SLC8A1: variants seen among roughly 807,000 people sequenced by gnomAD.
SLC8A1 encodes solute carrier family 8 member A1, also known as sodium/calcium exchanger 1.
In SLC8A1, 18 loss-of-function variants were observed where a neutral mutation model predicts 68.3. That is an observed-to-expected ratio of 0.26 (90% CI 0.18 to 0.39). The LOEUF (loss-of-function observed/expected upper bound fraction) is 0.39, where lower values mean the gene tolerates loss of function less well. Ranked by LOEUF, SLC8A1 falls within the 10% of genes least tolerant of loss-of-function variation. The pLI, the probability that SLC8A1 is intolerant of heterozygous loss-of-function variation, is 1.00. For missense variants in SLC8A1, 985 were observed against 1,156.7 expected, an observed-to-expected ratio of 0.85 and a Z score of 2.15; for synonymous variants, 475 against 415.5, an observed-to-expected ratio of 1.14 and a Z score of -1.74.
chr2:40,433,907 T>C (rs1698889412), intron 1 of SLC8A1, among the ~76,000 whole-genome samples: 1 of 152,202 alleles, frequency 6.6e-6, no homozygotes, highest in Non-Finnish European at 1.5e-5. Flanking sequence ...TCCAATAGCC[T>C]GGCTTTTATC....
At chr2:40,116,029 G>C (rs948242503) in intron 7 of SLC8A1, among the ~76,000 whole-genome samples, 4 of 152,120 alleles carry the variant, frequency 2.6e-5, no homozygotes, top group Non-Finnish European at 5.9e-5. Context: ...TAATGACAGC[G>C]GCCCAGGAAT....
At chr2:40,358,094 T>C (rs1673327046) in intron 2 of SLC8A1, among the ~76,000 whole-genome samples, 1 of 145,978 alleles carries the variant, frequency 6.9e-6, no homozygotes, top group African/African-American at 2.5e-5. Flanking sequence ...GGTGGTGACC[T>C]AGCCCTCATT....
At chr2:40,452,052 T>C (rs540534549) in exon 1 of SLC8A1, 1 of 150,954 alleles carries the variant, frequency 6.6e-6, no homozygotes, top group African/African-American at 2.4e-5. Context: ...GGCGGCGGGC[T>C]GACTACCGTG....
chr2:40,247,896 G>A (rs916615385), intron 2 of SLC8A1, among the ~76,000 whole-genome samples: 11 of 152,148 alleles, frequency 7.2e-5, no homozygotes, highest in African/African-American at 2.7e-4. Flanking sequence ...ACTATTACCT[G>A]AAATAGACTT....
At chr2:40,368,948 TACTC>T (rs10552875) in intron 2 of SLC8A1, among the ~76,000 whole-genome samples, 102,235 of 151,386 alleles carry the variant, frequency 0.68, 35,481 homozygotes, top group African/African-American at 0.84. Context: ...AATAATTCCT[TACTC>T]AATCAATTGT....
chr2:40,452,776 C>A (rs373532909), upstream of SLC8A1, among the ~76,000 whole-genome samples: 1 of 150,314 alleles, frequency 6.7e-6, no homozygotes, highest in East Asian at 2.0e-4. Context: ...GGGAGGGTGT[C>A]CCCCGGCCAA....
chr2:40,382,474 TA>T (rs1237636176), intron 2 of SLC8A1, among the ~76,000 whole-genome samples: 1 of 152,120 alleles, frequency 6.6e-6, no homozygotes, highest in African/African-American at 2.4e-5. Context: ...TTCAAATCAA[TA>T]AAATATGAGT....
At chr2:40,255,380 C>T (rs1403970623) in intron 2 of SLC8A1, among the ~76,000 whole-genome samples, 1 of 152,102 alleles carries the variant, frequency 6.6e-6, no homozygotes, top group African/African-American at 2.4e-5. Flanking sequence ...ACAATGCCAC[C>T]CAGCTATTGG....
intron 2 of SLC8A1, among the ~76,000 whole-genome samples, chr2:40,209,746 T>C (rs1278167383): frequency 6.6e-6 from 1 of 151,494 alleles, no homozygotes; most frequent in Admixed American, 6.6e-5. Flanking sequence ...CTGCGGAGAG[T>C]CTCTTCTGAT....
chr2:40,338,760 T>TAAAAGA (rs1666798410), intron 2 of SLC8A1, among the ~76,000 whole-genome samples: 8 of 152,224 alleles, frequency 5.3e-5, no homozygotes, highest in African/African-American at 1.9e-4. Flanking sequence ...TTTCTTCTTT[T>TAAAAGA]AGAAATTTCC....
At chr2:40,330,051 C>A (rs997911031) in intron 2 of SLC8A1, among the ~76,000 whole-genome samples, 13 of 152,106 alleles carry the variant, frequency 8.5e-5, no homozygotes, top group African/African-American at 3.1e-4. Flanking sequence ...GGGTGTGGAG[C>A]TTAAAACTTT....
Position 40,399,624 on chromosome 2 carries a change from T to C in SLC8A1, c.1808+28849A>G, listed in dbSNP as rs1225671378. On this transcript the variant is annotated intron_variant, in intron 2 of 7. Coordinates refer to ENST00000406785, the Ensembl canonical transcript of SLC8A1. ...AATGCTCCCTAGGGGCCTTAAATTG[T>C]TATGTTACCAAAAATGCTATGCTGT... Among the ~76,000 whole-genome samples, 5 of 152,204 alleles carry C rather than the reference T, an allele frequency of 3.3e-5. 1 individual carries two copies. The highest frequency in any genetic ancestry group is 2.0e-4 in the Admixed American group (3 of 15,288).
chr2:40,429,542 C>G, exon 2 of SLC8A1: 1 of 1,613,782 alleles, frequency 6.2e-7, no homozygotes, highest in Non-Finnish European at 8.5e-7. Flanking sequence ...CAAGCGAACA[C>G]AACACAGATG....
intron 2 of SLC8A1, among the ~76,000 whole-genome samples, chr2:40,421,800 G>C (rs1695575389): frequency 6.6e-6 from 1 of 152,182 alleles, no homozygotes; most frequent in Admixed American, 6.5e-5. Flanking sequence ...ATTTAGCCTG[G>C]CTCTATAGTG....
At position 40,229,313 on chromosome 2, in the gene SLC8A1, T is replaced by A. The variant is rs530478673; in HGVS notation, c.1809-51458A>T. 5.4e-4 allele frequency among the ~76,000 whole-genome samples: 82 copies of A among 152,240 alleles called. 1 individual carries two copies. Among genetic ancestry groups the A allele is most frequent in the African/African-American group, 1.8e-3 (76 of 41,550 alleles). On this transcript the variant is annotated intron_variant, in intron 2 of 7. Transcript: ENST00000406785. The stretch of plus-strand genomic sequence containing the variant: ...ATGATAAAAAATAAAAAAATGAAAA[T>A]GCCACTGTTCAACAGAAATATATTT...
At chr2:40,502,285 A>G (rs1706103145) in intron 1 of SLC8A1, among the ~76,000 whole-genome samples, 1 of 152,038 alleles carries the variant, frequency 6.6e-6, no homozygotes, top group South Asian at 2.1e-4. Flanking sequence ...AGAAGGCACA[A>G]TCATTTAGCC....
intron 2 of SLC8A1, among the ~76,000 whole-genome samples, chr2:40,425,024 A>G (rs1696487625): frequency 6.6e-6 from 1 of 151,866 alleles, no homozygotes. Flanking sequence ...TCAAATTAGC[A>G]TATTCTTAAT....
At chr2:40,319,990 C>T (rs1358159412) in intron 2 of SLC8A1, among the ~76,000 whole-genome samples, 2 of 152,064 alleles carry the variant, frequency 1.3e-5, no homozygotes, top group Non-Finnish European at 2.9e-5. Context: ...ATGGCACCTC[C>T]CTTTTAAAGC....
At chr2:40,295,986 C>G (rs2070302924) in intron 2 of SLC8A1, among the ~76,000 whole-genome samples, 1 of 152,136 alleles carries the variant, frequency 6.6e-6, no homozygotes, top group Admixed American at 6.6e-5. Flanking sequence ...AAAGGCATTT[C>G]TAGCGCCCAG....
Sources: gnomAD v4.1 joint callset for allele counts (sites outside exome capture counted in the v4.1 genomes callset) on GRCh38, gnomAD v4.1.1 for gene constraint, MANE v1.5 for transcripts, NCBI Gene and HGNC (gene_info 2026-07-23, HGNC 2026-07-21) for gene names.